The following IQCB1 variants were observed in gnomAD, a reference collection of about 807,000 sequenced individuals.
IQCB1 encodes IQ motif containing B1.
Under a neutral mutation model 84.4 loss-of-function variants are expected in IQCB1, and 56 were observed. That is an observed-to-expected ratio of 0.66 (90% confidence interval 0.54 to 0.83). IQCB1 has a LOEUF of 0.83. Among genes scored for constraint, IQCB1 ranks in the 40% least tolerant of loss-of-function variants. IQCB1 has a pLI of 0.00. For synonymous variants in IQCB1, 210 were observed against 234.8 expected, an observed-to-expected ratio of 0.89 and a Z score of 0.96; for missense variants, 629 against 682.1, an observed-to-expected ratio of 0.92 and a Z score of 0.87.
chr3:121,781,964 G>T, intron 12 of IQCB1, 90 bp from the exon 13 acceptor site: 1 of 1,277,938 alleles, frequency 7.8e-7, no homozygotes, highest in Non-Finnish European at 1.1e-6. Flanking sequence ...TGATCACATT[G>T]CAATAATGAT....
intron 5 of IQCB1, among the ~76,000 whole-genome samples, chr3:121,819,825 TA>T: frequency 6.6e-6 from 1 of 152,118 alleles, no homozygotes; most frequent in East Asian, 1.9e-4. Flanking sequence ...TTTTAAAGAG[TA>T]AAAAGAAATA....
intron 2 of IQCB1, among the ~76,000 whole-genome samples, chr3:121,830,360 G>A (rs1950595401): frequency 6.6e-6 from 1 of 151,574 alleles, no homozygotes; most frequent in Admixed American, 6.6e-5. Context: ...GAGAATTGGT[G>A]TTCAAGACTA....
chr3:121,819,925 A>C (rs1316115479), intron 5 of IQCB1, among the ~76,000 whole-genome samples: 1 of 152,114 alleles, frequency 6.6e-6, no homozygotes, highest in Non-Finnish European at 1.5e-5. Context: ...AAATCTGGTG[A>C]ATATTTATAC....
At chr3:121,834,268 T>C (rs963101482) in intron 2 of IQCB1, 123 bp downstream of exon 2, 2 of 152,226 alleles carry the variant, frequency 1.3e-5, no homozygotes, top group Non-Finnish European at 2.9e-5. Context: ...CCACCTGTTA[T>C]GGAAACCATC....
intron 13 of IQCB1, among the ~76,000 whole-genome samples, chr3:121,775,877 T>G (rs1216427672): frequency 6.6e-6 from 1 of 152,194 alleles, no homozygotes; most frequent in Non-Finnish European, 1.5e-5. Flanking sequence ...ACCCTTATCC[T>G]CATCCTACCC....
chr3:121,793,970 G>A (rs1559769382), intron 10 of IQCB1, among the ~76,000 whole-genome samples: 1 of 152,004 alleles, frequency 6.6e-6, no homozygotes, highest in South Asian at 2.1e-4. Flanking sequence ...TAAGATGACA[G>A]GTAACTAAGG....
In IQCB1 at chr3:121,833,357, C is replaced by T. The variant is rs150269392; in HGVS notation, c.-13+1034G>A. Among the ~76,000 whole-genome samples, 1,051 of 152,334 alleles carry T rather than the reference C, an allele frequency of 6.9e-3. 5 individuals carry two copies. Among genetic ancestry groups the T allele is most frequent in the South Asian group, 0.017 (83 of 4,826 alleles). Reference sequence around the variant, plus strand: ...AAAGTATGAGTAAATGCACAAACCTCAGGCATTCTGAGCCTCAATTTCTTG... The same window carrying T: ...AAAGTATGAGTAAATGCACAAACCTTAGGCATTCTGAGCCTCAATTTCTTG... On this transcript the variant is annotated intron_variant, in intron 2 of 14. Transcript: ENST00000310864.
intron 5 of IQCB1, among the ~76,000 whole-genome samples, chr3:121,821,826 T>G (rs559557568): frequency 1.3e-5 from 2 of 152,332 alleles, no homozygotes; most frequent in African/African-American, 4.8e-5. Context: ...AAATCTAAAT[T>G]TATCTTGTGT....
intron 13 of IQCB1, among the ~76,000 whole-genome samples, chr3:121,777,353 T>C (rs976610573): frequency 6.6e-6 from 1 of 152,222 alleles, no homozygotes; most frequent in Non-Finnish European, 1.5e-5. Flanking sequence ...GTAGGCTATG[T>C]GGTATACCCT....
rs981501752 is a variant in IQCB1, at chr3:121,772,553, A to G, written c.1567+4T>C. 1 of 1,614,054 alleles carries G rather than the reference A, an allele frequency of 6.2e-7. No individual in the cohort carries two copies. On this transcript the variant is annotated splice_donor_region_variant and intron_variant, in intron 14 of 14. Coordinates refer to ENST00000310864, the MANE Select transcript of IQCB1 (RefSeq NM_001023570.4). ...TAGAGAACGAAAGTAAAATGAGCAC[A>G]TACTCATTAGCTGTTCAACGTTGGT...
At chr3:121,777,057 A>G (rs1559750833) in intron 13 of IQCB1, among the ~76,000 whole-genome samples, 1 of 152,226 alleles carries the variant, frequency 6.6e-6, no homozygotes. Context: ...TATTCAAGAA[A>G]GGTCACAATA....
At chr3:121,816,093 C>A (rs561366129) in intron 5 of IQCB1, among the ~76,000 whole-genome samples, 3 of 152,158 alleles carry the variant, frequency 2.0e-5, no homozygotes, top group Admixed American at 6.5e-5. Context: ...TGGAACAGAA[C>A]AGAGGCCTCA....
At chr3:121,788,223 C>T in intron 12 of IQCB1, 61 bp downstream of exon 12, 1 of 1,505,110 alleles carries the variant, frequency 6.6e-7, no homozygotes. Context: ...TTAGCAAAGT[C>T]AGTTTTGAAC....
At chr3:121,774,699 G>A (rs6438659) in intron 13 of IQCB1, among the ~76,000 whole-genome samples, 151,678 of 152,342 alleles carry the variant, frequency 1, 75,513 homozygotes, top group East Asian at 1. Flanking sequence ...GCAAATTCAT[G>A]GAGACAGAAA....
chr3:121,820,979 CTT>C (rs11309493), intron 5 of IQCB1, among the ~76,000 whole-genome samples: 1 of 150,318 alleles, frequency 6.7e-6, no homozygotes, highest in Non-Finnish European at 1.5e-5. Context: ...CTGTTTTTTC[CTT>C]TTTTTTCTTT....
At chr3:121,833,405 C>G (rs1398520883) in intron 2 of IQCB1, among the ~76,000 whole-genome samples, 1 of 152,168 alleles carries the variant, frequency 6.6e-6, no homozygotes, top group Non-Finnish European at 1.5e-5. Context: ...TCTCTTGTTA[C>G]AATAGAGAAA....
chr3:121,801,808 G>A (rs1391107044), intron 7 of IQCB1, among the ~76,000 whole-genome samples: 2 of 69,956 alleles, frequency 2.9e-5, no homozygotes, highest in East Asian at 7.4e-4. Flanking sequence ...TTGCTGCAAG[G>A]CCTTTTTTTT....
intron 14 of IQCB1, among the ~76,000 whole-genome samples, chr3:121,772,306 GC>G (rs1228123288): frequency 1.6e-4 from 24 of 152,162 alleles, no homozygotes; most frequent in Middle Eastern, 3.4e-3. Flanking sequence ...GTAGGGCTCA[GC>G]ATCTGAAATT....
At chr3:121,806,379 C>T (rs565788605) in intron 7 of IQCB1, among the ~76,000 whole-genome samples, 2 of 152,214 alleles carry the variant, frequency 1.3e-5, no homozygotes, top group South Asian at 4.1e-4. Context: ...CAATGGTCCC[C>T]GTTGCCTATA....
Sources: gnomAD v4.1 joint callset for allele counts (sites outside exome capture counted in the v4.1 genomes callset) on GRCh38, gnomAD v4.1.1 for gene constraint, MANE v1.5 for transcripts, NCBI Gene and HGNC (gene_info 2026-07-23, HGNC 2026-07-21) for gene names.